GUCY1A1: variants seen among roughly 807,000 people sequenced by gnomAD.
GUCY1A1 encodes guanylate cyclase 1 soluble subunit alpha 1.
GUCY1A1 carries 48 observed loss-of-function variants against 64.5 expected under a neutral mutation model. The observed-to-expected ratio is 0.74, with a 90% confidence interval of 0.59 to 0.95. The LOEUF is 0.95. Among genes scored for constraint, GUCY1A1 ranks in the 40% least tolerant of loss-of-function variants. The pLI is 0.00. For synonymous variants in GUCY1A1, 308 were observed against 303.4 expected (o/e 1.02, Z -0.16); for missense variants, 804 against 825.3 (o/e 0.97, Z 0.32).
At position 155,673,757 on chromosome 4, in the gene GUCY1A1, T is replaced by A. The variant is rs150929669; in HGVS notation, c.-113+6338T>A. Reference sequence around the variant, plus strand: ...GTGGAGAACACCACTTTTCCATTTCTAGCTTTTCGTTTCCCCTTGTTCAAT... The same window carrying A: ...GTGGAGAACACCACTTTTCCATTTCAAGCTTTTCGTTTCCCCTTGTTCAAT... On this transcript the variant is annotated intron_variant, in intron 2 of 9. Coordinates refer to ENST00000506455, the MANE Select transcript of GUCY1A1 (RefSeq NM_001130682.3). Among the ~76,000 whole-genome samples the A allele has an allele frequency of 9.7e-3, 1,468 of 151,620 alleles. 19 individuals are homozygous for A. Among genetic ancestry groups the A allele is most frequent in the Admixed American group, 0.021 (318 of 15,286 alleles).
rs574904369 is a variant in GUCY1A1 at position 155,675,577 on chromosome 4, C to A, written c.-113+8158C>A. On this transcript the variant is annotated intron_variant, in intron 2 of 9. Coordinates refer to ENST00000506455, the MANE Select transcript of GUCY1A1 (RefSeq NM_001130682.3). The stretch of plus-strand genomic sequence containing the variant: ...GTAGTCACTAATTGTAAGTCATATT[C>A]CTCTTTGTCCAGCTCTATCCCAAAT... Among the ~76,000 whole-genome samples, 5 of 151,578 alleles carry A rather than the reference C, an allele frequency of 3.3e-5. No homozygotes were observed. In the East Asian group the frequency reaches 9.6e-4, roughly 29 times the overall value.
intron 3 of GUCY1A1, among the ~76,000 whole-genome samples, chr4:155,698,341 A>T (rs995609615): frequency 6.6e-6 from 1 of 152,212 alleles, no homozygotes; most frequent in Non-Finnish European, 1.5e-5. Flanking sequence ...ATGTTTAATT[A>T]TTCTTACCAC....
At chr4:155,677,573 G>A (rs1036635443) in intron 2 of GUCY1A1, among the ~76,000 whole-genome samples, 3 of 152,112 alleles carry the variant, frequency 2.0e-5, no homozygotes, top group Non-Finnish European at 4.4e-5. Context: ...AAATCAGGCC[G>A]GGCACCGTGG....
At chr4:155,694,138 A>T (rs1730121574) in intron 2 of GUCY1A1, among the ~76,000 whole-genome samples, 1 of 152,182 alleles carries the variant, frequency 6.6e-6, no homozygotes, top group Non-Finnish European at 1.5e-5. Context: ...CATTCAGTTA[A>T]TAAAGCTCTT....
At position 155,713,560 on chromosome 4, in the gene GUCY1A1, T is replaced by A; in HGVS notation, c.1549T>A (p.Cys517Ser). Residue 517 changes from cysteine to serine, a missense_variant, in exon 7 of 10, where the codon TGT becomes AGT. Coordinates refer to ENST00000506455, the MANE Select transcript of GUCY1A1 (RefSeq NM_001130682.3). ...ACTGTACACTCGCTTCGACCAGCAG[T>A]GTGGAGAGCTGGATGTCTACAAGGT... ...NALYTRFDQQ[C>S]GELDVYKVET... The A allele has an allele frequency of 6.2e-7, 1 of 1,613,434 alleles. No individual in the cohort carries two copies. The highest frequency in any genetic ancestry group is 8.5e-7 in the Non-Finnish European group (1 of 1,179,430).
intron 8 of GUCY1A1, among the ~76,000 whole-genome samples, chr4:155,720,648 A>G (rs113367088): frequency 0.013 from 2,041 of 152,282 alleles, 45 homozygotes; most frequent in African/African-American, 0.046. Context: ...TGTAGAACTC[A>G]TATGACATCT....
At chr4:155,676,394 G>A (rs1579000205) in intron 2 of GUCY1A1, among the ~76,000 whole-genome samples, 2 of 149,866 alleles carry the variant, frequency 1.3e-5, no homozygotes, top group East Asian at 3.9e-4. Context: ...GCATGTTATG[G>A]CCTTGATTAT....
intron 8 of GUCY1A1, among the ~76,000 whole-genome samples, chr4:155,718,585 T>G (rs1560960617): frequency 1.3e-5 from 2 of 152,170 alleles, no homozygotes; most frequent in Non-Finnish European, 2.9e-5. Context: ...CGATTGAAGC[T>G]GGAGGATTCA....
rs913183514 is a variant in GUCY1A1 at position 155,733,896 on chromosome 4, A to G, written c.*3665A>G. On this transcript the variant is annotated 3_prime_UTR_variant, in exon 10 of 10. Transcript: ENST00000506455. ...AACATCTGTTTATACATCAAGGGAA[A>G]ATGATTCATTTTATATCCTGGATAT... Among the ~76,000 whole-genome samples, 1 of 151,848 alleles carries G rather than the reference A, an allele frequency of 6.6e-6. No homozygotes were observed. Among genetic ancestry groups the G allele is most frequent in the Non-Finnish European group, 1.5e-5 (1 of 67,870 alleles).
chr4:155,713,641 C>A, intron 7 of GUCY1A1, 58 bp downstream of exon 7: 4 of 1,568,574 alleles, frequency 2.6e-6, no homozygotes, highest in South Asian at 2.4e-5. Flanking sequence ...GGAACAAGCA[C>A]TGTGCCTAGG....
chr4:155,704,985 G>A (rs72685794), intron 4 of GUCY1A1, among the ~76,000 whole-genome samples: 20,476 of 152,232 alleles, frequency 0.13, 1,493 homozygotes, highest in South Asian at 0.21. Flanking sequence ...CCTGGCTCAA[G>A]CCATTTTCCC....
chr4:155,698,786 C>T (rs539943182), intron 3 of GUCY1A1, among the ~76,000 whole-genome samples: 14 of 152,252 alleles, frequency 9.2e-5, no homozygotes, highest in African/African-American at 3.4e-4. Context: ...GACTGAATAA[C>T]TTCAAATGAC....
At chr4:155,673,572 G>A (rs73858155) in intron 2 of GUCY1A1, among the ~76,000 whole-genome samples, 4,468 of 151,376 alleles carry the variant, frequency 0.03, 384 homozygotes, top group African/African-American at 0.1. Flanking sequence ...GCAAACAGTA[G>A]GAAGAGTATT....
rs928390369 is a variant in GUCY1A1, at chr4:155,733,956, T to C, written c.*3725T>C. Among the ~76,000 whole-genome samples, 7 of 151,908 alleles carry C rather than the reference T, an allele frequency of 4.6e-5. No homozygotes were observed. Among genetic ancestry groups the C allele is most frequent in the Non-Finnish European group, 8.8e-5 (6 of 67,898 alleles). On this transcript the variant is annotated 3_prime_UTR_variant, in exon 10 of 10. Coordinates refer to ENST00000506455, the MANE Select transcript of GUCY1A1 (RefSeq NM_001130682.3). ...AGTATGAGCATAAAGCTGGGATGTCTGGCATTGGAATTTTATGTCACTCTC... is the reference window on the plus strand; with the variant it reads ...AGTATGAGCATAAAGCTGGGATGTCCGGCATTGGAATTTTATGTCACTCTC...
chr4:155,692,732 T>G (rs116786042), intron 2 of GUCY1A1, among the ~76,000 whole-genome samples: 1 of 152,238 alleles, frequency 6.6e-6, no homozygotes, highest in Non-Finnish European at 1.5e-5. Context: ...CTACATGATC[T>G]TGTTACATGT....
At chr4:155,680,922 TAC>T (rs10591570) in intron 2 of GUCY1A1, among the ~76,000 whole-genome samples, 63,906 of 148,182 alleles carry the variant, frequency 0.43, 14,421 homozygotes, top group East Asian at 0.77. Flanking sequence ...GTCGATTGGA[TAC>T]ACACACACAC....
intron 2 of GUCY1A1, among the ~76,000 whole-genome samples, chr4:155,679,876 T>C (rs1045631917): frequency 6.6e-6 from 1 of 152,226 alleles, no homozygotes; most frequent in Non-Finnish European, 1.5e-5. Flanking sequence ...CCTTGACACC[T>C]TTGTTGTAAA....
At chr4:155,707,475 C>G (rs1221644259) in intron 4 of GUCY1A1, among the ~76,000 whole-genome samples, 1 of 152,168 alleles carries the variant, frequency 6.6e-6, no homozygotes, top group Non-Finnish European at 1.5e-5. Flanking sequence ...AGAGCTGTGG[C>G]TCACTGCCAC....
At chr4:155,673,294 T>C (rs1734409306) in intron 2 of GUCY1A1, among the ~76,000 whole-genome samples, 1 of 151,584 alleles carries the variant, frequency 6.6e-6, no homozygotes, top group Non-Finnish European at 1.5e-5. Flanking sequence ...GCAAAGTTTA[T>C]GACACACACT....
Sources: allele counts gnomAD v4.1 joint callset (sites outside exome capture counted in the v4.1 genomes callset), GRCh38; gene constraint gnomAD v4.1.1; transcripts MANE v1.5; gene names NCBI Gene and HGNC (gene_info 2026-07-23, HGNC 2026-07-21).